The following COL18A1 variants were observed in gnomAD, a reference collection of about 807,000 sequenced individuals.
COL18A1 encodes collagen type XVIII alpha 1 chain.
COL18A1 carries 133 observed loss-of-function variants against 168.0 expected under a neutral mutation model. The observed-to-expected ratio is 0.79, with a 90% CI of 0.69 to 0.91. The LOEUF (loss-of-function observed/expected upper bound fraction) is 0.91. COL18A1 is among the 40% of genes least tolerant of loss of function. The pLI, the probability that COL18A1 is intolerant of heterozygous loss-of-function variation, is 0.00. For missense variants in COL18A1, 2,126 were observed against 1,925.4 expected, an observed-to-expected ratio of 1.10 and a Z score of -1.95; for synonymous variants, 949 against 809.0, an observed-to-expected ratio of 1.17 and a Z score of -2.94.
At chr21:45,440,049 G>A (rs967539972) in intron 2 of COL18A1, among the ~76,000 whole-genome samples, 4 of 152,250 alleles carry the variant, frequency 2.6e-5, no homozygotes, top group Non-Finnish European at 5.9e-5. Context: ...GCAGGCCGTG[G>A]GCCGCATGGG....
chr21:45,442,957 ATGTGGGTGGTGGTGCTGG>A (rs1245247239), intron 2 of COL18A1, among the ~76,000 whole-genome samples: 2 of 39,754 alleles, frequency 5.0e-5, no homozygotes, highest in East Asian at 7.7e-4. Flanking sequence ...AGCGGTGCTG[ATGTGGGTGGTGGTGCTGG>A]TGTGGGTGGC....
At chr21:45,495,715 T>TACACACGCACACACACAC (rs138241136) in intron 29 of COL18A1, 1 of 429,022 alleles carries the variant, frequency 2.3e-6, no homozygotes, top group Non-Finnish European at 4.4e-6. Flanking sequence ...CGCGCACACA[T>TACACACGCACACACACAC]ACACGCACAC....
chr21:45,508,794 G>C (rs541458034), intron 38 of COL18A1, among the ~76,000 whole-genome samples: 4 of 152,264 alleles, frequency 2.6e-5, no homozygotes, highest in African/African-American at 9.6e-5. Context: ...TATTGCCCTG[G>C]GTAACACACA....
At chr21:45,483,254 C>G (rs538839058) in intron 15 of COL18A1, among the ~76,000 whole-genome samples, 1 of 152,112 alleles carries the variant, frequency 6.6e-6, no homozygotes, top group South Asian at 2.1e-4. Flanking sequence ...ATAGGGGAGC[C>G]CCATCCACCC....
In COL18A1 at chr21:45,463,912, A is replaced by G. The variant is rs184751620; in HGVS notation, c.107-4330A>G. 1.3e-5 allele frequency among the ~76,000 whole-genome samples: 2 copies of G among 152,194 alleles called. No individual in the cohort carries two copies. The highest frequency in any genetic ancestry group is 1.3e-4 in the Admixed American group (2 of 15,296). ...AACTCCATCTAAAAAAAAAAAAGAA[A>G]AGGAAAGAAATCAAGTCTTGAGGCA... On this transcript the variant is annotated intron_variant, in intron 2 of 41. Transcript: ENST00000651438. The surrounding 1 kb of genome is among the most constrained non-coding windows in gnomAD (Gnocchi z 4.0).
intron 32 of COL18A1, among the ~76,000 whole-genome samples, chr21:45,501,981 A>C (rs113230206): frequency 9.6e-5 from 7 of 73,030 alleles, no homozygotes; most frequent in African/African-American, 3.7e-4. Context: ...CTCCCTCTGC[A>C]GAAGGACCCT....
chr21:45,411,920 C>G (rs1379002033), intron 2 of COL18A1, among the ~76,000 whole-genome samples: 1 of 152,194 alleles, frequency 6.6e-6, no homozygotes, highest in Admixed American at 6.5e-5. Context: ...TGGAAAATAT[C>G]ATCTCAGAGT....
chr21:45,465,668 C>T (rs9653789), intron 2 of COL18A1, among the ~76,000 whole-genome samples: 21,625 of 151,998 alleles, frequency 0.14, 1,912 homozygotes, highest in African/African-American at 0.23. Flanking sequence ...TGCTGGAGGG[C>T]GGGGGGCTGG....
intron 2 of COL18A1, among the ~76,000 whole-genome samples, chr21:45,441,812 C>T (rs2034377318): frequency 6.6e-6 from 1 of 152,234 alleles, no homozygotes; most frequent in Non-Finnish European, 1.5e-5. Flanking sequence ...TGTCCCATGT[C>T]CTTAAAGGAT....
At chr21:45,493,314 G>C in intron 25 of COL18A1, 89 bp downstream of exon 25, 4 of 1,437,888 alleles carry the variant, frequency 2.8e-6, no homozygotes, top group Non-Finnish European at 2.9e-6. Context: ...GGAGGGACCT[G>C]GGACCCCCCG....
At chr21:45,435,273 GGGGA>G (rs1468314037) in intron 2 of COL18A1, among the ~76,000 whole-genome samples, 1 of 121,810 alleles carries the variant, frequency 8.2e-6, no homozygotes, top group Admixed American at 8.3e-5. Context: ...AAGGGGGTGG[GGGGA>G]GGGAGGAAGG....
intron 2 of COL18A1, among the ~76,000 whole-genome samples, chr21:45,418,340 G>A (rs1335433845): frequency 6.6e-6 from 1 of 152,182 alleles, no homozygotes; most frequent in Non-Finnish European, 1.5e-5. Flanking sequence ...GGGTCCCCGA[G>A]CTGGGGAGGG....
Position 45,494,920 on chromosome 21 carries a change from G to C in COL18A1, c.2433+5G>C. 1 of 1,609,734 alleles carries C rather than the reference G, an allele frequency of 6.2e-7. No homozygotes were observed. The highest frequency in any genetic ancestry group is 2.2e-5 in the East Asian group (1 of 44,766). Reference sequence around the variant, plus strand: ...ATTGGCTTTCCTGGACGGCCGGTGAGGACCTGGGGTCTCCAGTGGGGGCGG... The same window carrying C: ...ATTGGCTTTCCTGGACGGCCGGTGACGACCTGGGGTCTCCAGTGGGGGCGG... On this transcript the variant is annotated splice_donor_5th_base_variant and intron_variant, in intron 28 of 41. Coordinates refer to ENST00000651438, the MANE Select transcript of COL18A1 (RefSeq NM_001379500.1).
chr21:45,422,744 G>T (rs1450646242), intron 2 of COL18A1: 1 of 254,134 alleles, frequency 3.9e-6, no homozygotes, highest in Non-Finnish European at 7.9e-6. Context: ...GGAGGGGCCT[G>T]TTCTTTGGGA....
intron 32 of COL18A1, among the ~76,000 whole-genome samples, chr21:45,499,952 T>TA (rs1156485619): frequency 6.6e-6 from 1 of 152,188 alleles, no homozygotes; most frequent in African/African-American, 2.4e-5. Context: ...CGAGGGTAGA[T>TA]ACATCCATTG....
chr21:45,478,486 G>A lies in COL18A1; in HGVS notation c.1248+133G>A, dbSNP rs994678225. Reference sequence around the variant, plus strand: ...TGTACAGCAAAACCATTTTGAAAGTGGAATTTTGTAAAGAAAAGATGAGTG... The same window carrying A: ...TGTACAGCAAAACCATTTTGAAAGTAGAATTTTGTAAAGAAAAGATGAGTG... On this transcript the variant is annotated intron_variant, in intron 9 of 41. Transcript: ENST00000651438. 7 of 1,209,216 alleles carry A rather than the reference G, an allele frequency of 5.8e-6. No individual in the cohort carries two copies. The African/African-American group carries it at 6.0e-5, about 10-fold the overall frequency. The allele number at this position is 1,209,216 out of a possible 1,614,324, so 74.9% of individuals were successfully genotyped here.
At chr21:45,415,817 C>T (rs578236442) in intron 2 of COL18A1, among the ~76,000 whole-genome samples, 4 of 152,336 alleles carry the variant, frequency 2.6e-5, no homozygotes, top group South Asian at 2.1e-4. Flanking sequence ...GTGGTGCTCA[C>T]GCAGCCAGGC....
intron 2 of COL18A1, among the ~76,000 whole-genome samples, chr21:45,437,328 A>ACACT (rs2034157293): frequency 1.2e-5 from 1 of 80,474 alleles, no homozygotes; most frequent in Non-Finnish European, 2.3e-5. Flanking sequence ...CTGCACACAC[A>ACACT]CACACTCAGA....
intron 2 of COL18A1, among the ~76,000 whole-genome samples, chr21:45,430,037 C>T (rs1356768027): frequency 2.0e-5 from 3 of 150,530 alleles, no homozygotes; most frequent in Admixed American, 6.6e-5. Context: ...GTCTCCCTAG[C>T]GTTCTCTCGC....
Sources: allele counts gnomAD v4.1 joint callset (sites outside exome capture counted in the v4.1 genomes callset), GRCh38; gene constraint gnomAD v4.1.1; non-coding constraint Gnocchi (gnomAD v3.1); transcripts MANE v1.5; gene names NCBI Gene and HGNC (gene_info 2026-07-23, HGNC 2026-07-21).